Variants in TMEM53 observed in about 807,000 individuals in gnomAD.
The protein encoded by TMEM53 is novel DUF829 domain-containing protein.
In TMEM53, 14 loss-of-function variants were observed where a neutral mutation model predicts 21.4. The observed-to-expected ratio is 0.65, with a 90% CI of 0.43 to 1.02. The LOEUF is 1.02. Ranked by LOEUF, TMEM53 falls within the 50% of genes least tolerant of loss-of-function variation. TMEM53 has a pLI of 0.00. For synonymous variants in TMEM53, 148 were observed against 157.4 expected (o/e 0.94, Z 0.45); for missense variants, 323 against 383.6 (o/e 0.84, Z 1.32).
At chr1:44,670,971 G>T (rs1411197311) in intron 1 of TMEM53, among the ~76,000 whole-genome samples, 3 of 152,216 alleles carry the variant, frequency 2.0e-5, no homozygotes, top group African/African-American at 7.2e-5. Context: ...GGCCTGGGAT[G>T]TCAGAGCAGC....
intron 1 of TMEM53, among the ~76,000 whole-genome samples, chr1:44,663,056 ATTTC>A (rs1644915037): frequency 6.6e-6 from 1 of 152,166 alleles, no homozygotes; most frequent in East Asian, 1.9e-4. Context: ...TTCTTTATTG[ATTTC>A]TTTATTTTTG....
chr1:44,665,079 C>G (rs143728522), intron 1 of TMEM53, among the ~76,000 whole-genome samples: 7 of 152,210 alleles, frequency 4.6e-5, no homozygotes, highest in African/African-American at 1.7e-4. Flanking sequence ...CTCCCCAACC[C>G]CTTCTCACCA....
At chr1:44,660,328 G>T in intron 1 of TMEM53, 33 bp from the exon 2 acceptor site, 1 of 1,593,700 alleles carries the variant, frequency 6.3e-7, no homozygotes. Flanking sequence ...CAACACCAGA[G>T]CTGGGGTGGG....
At chr1:44,671,747 G>A (rs770729050) in intron 1 of TMEM53, among the ~76,000 whole-genome samples, 1 of 152,220 alleles carries the variant, frequency 6.6e-6, no homozygotes, top group Non-Finnish European at 1.5e-5. Context: ...TAACCAATAT[G>A]GTGAAACCTT....
intron 2 of TMEM53, among the ~76,000 whole-genome samples, chr1:44,658,567 T>A (rs1644870430): frequency 6.6e-6 from 1 of 152,138 alleles, no homozygotes; most frequent in African/African-American, 2.4e-5. Flanking sequence ...TTTGTTTATT[T>A]TGAGACAGGG....
intron 1 of TMEM53, among the ~76,000 whole-genome samples, chr1:44,670,137 T>C (rs1029307556): frequency 7.8e-5 from 8 of 102,328 alleles, no homozygotes; most frequent in African/African-American, 2.4e-4. Flanking sequence ...AAAGAGATCA[T>C]GATTCCAAAA....
intron 1 of TMEM53, among the ~76,000 whole-genome samples, chr1:44,660,595 G>C (rs1393431601): frequency 6.6e-6 from 1 of 152,150 alleles, no homozygotes; most frequent in African/African-American, 2.4e-5. Flanking sequence ...TTCTGATCCA[G>C]GGCTCAGCGA....
chr1:44,666,082 G>C (rs1024726594), intron 1 of TMEM53, among the ~76,000 whole-genome samples: 1 of 152,136 alleles, frequency 6.6e-6, no homozygotes, highest in African/African-American at 2.4e-5. Context: ...ATATTAAGCA[G>C]GTCTTTCTCC....
intron 2 of TMEM53, among the ~76,000 whole-genome samples, chr1:44,659,775 G>T (rs1337945599): frequency 6.6e-6 from 1 of 151,954 alleles, no homozygotes; most frequent in Non-Finnish European, 1.5e-5. Flanking sequence ...GACCAAAGGG[G>T]TCACGCCAGG....
At chr1:44,674,267 C>T in intron 1 of TMEM53, 64 bp downstream of exon 1, 2 of 1,542,606 alleles carry the variant, frequency 1.3e-6, no homozygotes, top group African/African-American at 2.7e-5. Context: ...GCTACAGCTG[C>T]GCTCGCAACC....
Position 44,660,207 on chromosome 1 carries a change from G to T in TMEM53, c.150C>A (p.Asn50Lys). ...GGTAGATGGCACTGTACTTGGCAAG[G>T]TTCTTGTCCTTGCAGCCACCCCAGC... ...LLGWGGCKDK[N>K]LAKYSAIYHK... Residue 50 changes from asparagine (N) to lysine (K), a missense_variant, in exon 2 of 3, where the codon AAC becomes AAA. Physicochemically the swap from Asn to Lys is moderately conservative, Grantham distance 94 (BLOSUM62 0). Coordinates refer to ENST00000372237, the MANE Select transcript of TMEM53 (RefSeq NM_024587.4). The T allele has an allele frequency of 6.2e-7, 1 of 1,614,102 alleles. No homozygotes were observed. The highest frequency in any genetic ancestry group is 2.2e-5 in the East Asian group (1 of 44,868).
rs1260075898 is a variant in TMEM53 at position 44,655,624 on chromosome 1, T to C, written c.184-415A>G. On this transcript the variant is annotated intron_variant, in intron 2 of 2. Transcript: ENST00000372237. The surrounding 1 kb of genome is among the most constrained non-coding windows in gnomAD (Gnocchi z 4.4). Reference sequence around the variant, plus strand: ...GGGGCCTCACTGCTTGGCTATACCCTGTCCCAGCACCTCAGATCTGCACTG... The same window carrying C: ...GGGGCCTCACTGCTTGGCTATACCCCGTCCCAGCACCTCAGATCTGCACTG... Among the ~76,000 whole-genome samples, 1 of 152,080 alleles carries C rather than the reference T, an allele frequency of 6.6e-6. No individual in the cohort carries two copies. Among genetic ancestry groups the C allele is most frequent in the African/African-American group, 2.4e-5 (1 of 41,396 alleles).
At chr1:44,673,888 T>A in intron 1 of TMEM53, 3 of 985,180 alleles carry the variant, frequency 3.0e-6, no homozygotes, top group Non-Finnish European at 3.6e-6. Flanking sequence ...GGGTTCTGAG[T>A]CCCGGGCTTC....
In TMEM53 at chr1:44,654,517, A is replaced by G. The variant is rs1438645694; in HGVS notation, c.*42T>C. 1.9e-6 allele frequency: 3 copies of G among 1,575,102 alleles called. No homozygotes were observed. The highest frequency in any genetic ancestry group is 2.3e-5 in the East Asian group (1 of 44,344). ...AGATTGCAGGTTGTGGGGAGGTGTC[A>G]GGCATTTATTTCTGGAGCAGAGGTG... is the stretch of plus-strand genomic sequence containing the variant. On this transcript the variant is annotated 3_prime_UTR_variant, in exon 3 of 3. Coordinates refer to ENST00000372237, the MANE Select transcript of TMEM53 (RefSeq NM_024587.4). This position sits in a 1 kb window ranked among gnomAD's most constrained non-coding sequence, Gnocchi z 7.0.
intron 1 of TMEM53, among the ~76,000 whole-genome samples, chr1:44,663,934 G>A (rs1036645749): frequency 1.1e-4 from 17 of 152,096 alleles, no homozygotes; most frequent in Admixed American, 4.6e-4. Flanking sequence ...GCCAAAGCAG[G>A]CAGATCACTT....
chr1:44,674,033 G>T, intron 1 of TMEM53: 1 of 985,478 alleles, frequency 1.0e-6, no homozygotes, highest in Non-Finnish European at 1.2e-6. Context: ...CTTCAGCTAT[G>T]AGAAGTGATT....
At chr1:44,658,487 G>GC (rs1205133921) in intron 2 of TMEM53, among the ~76,000 whole-genome samples, 1 of 152,018 alleles carries the variant, frequency 6.6e-6, no homozygotes, top group Non-Finnish European at 1.5e-5. Context: ...ATCATGGCAA[G>GC]CCCCTCTAAA....
chr1:44,657,668 G>A (rs970483786), intron 2 of TMEM53, among the ~76,000 whole-genome samples: 2 of 152,054 alleles, frequency 1.3e-5, no homozygotes, highest in African/African-American at 4.8e-5. Context: ...CTCCCAAGTA[G>A]CTAAGACTAC....
chr1:44,662,660 T>C (rs1644912273), intron 1 of TMEM53, among the ~76,000 whole-genome samples: 1 of 152,026 alleles, frequency 6.6e-6, no homozygotes, highest in South Asian at 2.1e-4. Context: ...TGCAGCTGTC[T>C]GAGAACAGGC....
Sources: gnomAD v4.1 joint callset for allele counts (sites outside exome capture counted in the v4.1 genomes callset) on GRCh38, gnomAD v4.1.1 for gene constraint, Gnocchi (gnomAD v3.1) non-coding constraint, MANE v1.5 for transcripts, NCBI Gene and HGNC (gene_info 2026-07-23, HGNC 2026-07-21) for gene names.